The following UBR4 variants were observed in gnomAD, a reference collection of about 807,000 sequenced individuals.
UBR4 encodes the protein ubiquitin protein ligase E3 component n-recognin 4, also known as E3 ubiquitin-protein ligase UBR4.
In UBR4, 124 loss-of-function variants were observed where a neutral mutation model predicts 575.6. That is an observed-to-expected ratio of 0.22 (90% CI 0.19 to 0.25). The LOEUF is 0.25. Ranked by LOEUF, UBR4 falls within the 10% of genes least tolerant of loss-of-function variation. The pLI is 1.00. For missense variants in UBR4, 4,818 were observed against 6,478.8 expected, an observed-to-expected ratio of 0.74 and a Z score of 8.80; for synonymous variants, 2,455 against 2,473.7, an observed-to-expected ratio of 0.99 and a Z score of 0.22.
chr1:19,104,311 A>C (rs1382512588), intron 86 of UBR4, 54 bp from the exon 87 acceptor site: 1 of 1,589,394 alleles, frequency 6.3e-7, no homozygotes, highest in Non-Finnish European at 8.6e-7. Context: ...ACATAAGGAC[A>C]GTCTGTGTCT....
intron 103 of UBR4, chr1:19,080,547 A>T (rs2076385721): frequency 6.6e-6 from 1 of 152,252 alleles, no homozygotes; most frequent in Non-Finnish European, 1.5e-5. Context: ...GCAGAATCAC[A>T]AAAATCACAA....
chr1:19,153,947 C>A lies in UBR4; in HGVS notation c.6459-8G>T. The A allele has an allele frequency of 6.2e-7, 1 of 1,611,418 alleles. No individual in the cohort carries two copies. Among genetic ancestry groups the A allele is most frequent in the Non-Finnish European group, 8.5e-7 (1 of 1,179,028 alleles). ...TTACTGCCACCATTGGAACTGCAGA[C>A]AACAAAACTGGCCACAGTTAGAGTG... On this transcript the variant is annotated splice_region_variant and splice_polypyrimidine_tract_variant and intron_variant, in intron 44 of 105. Coordinates refer to ENST00000375254, the MANE Select transcript of UBR4 (RefSeq NM_020765.3). The surrounding 1 kb of genome is among the most constrained non-coding windows in gnomAD (Gnocchi z 4.1).
chr1:19,084,608 G>A lies in UBR4; in HGVS notation c.14904C>T (p.Phe4968=), dbSNP rs114177080. 132 of 1,614,176 alleles carry A rather than the reference G, an allele frequency of 8.2e-5. No individual in the cohort carries two copies. The highest frequency in any genetic ancestry group is 3.1e-4 in the African/African-American group (23 of 75,078). ...IHDIKLLFLR[F]AMEQSFSADT... is the part of the protein sequence containing the mutation. ...CTGCGCTGAACGACTGCTCCATGGC[G>A]AAGCGCAGGAAGAGCAGTTTGATGT... Residue 4968 remains phenylalanine (F), a synonymous_variant, in exon 102 of 106, where the codon TTC becomes TTT. Transcript: ENST00000375254.
chr1:19,184,272 G>T (rs1421559524), intron 15 of UBR4, 97 bp from the exon 16 acceptor site: 11 of 1,307,112 alleles, frequency 8.4e-6, no homozygotes, highest in Non-Finnish European at 1.2e-5. Context: ...ATGCTCATAG[G>T]TATCCTGCAA....
At chr1:19,121,812 T>C (rs569112502) in intron 67 of UBR4, 122 bp downstream of exon 67, 625 of 1,164,150 alleles carry the variant, frequency 5.4e-4, no homozygotes, top group Non-Finnish European at 7.2e-4. Context: ...GACAGAGTTC[T>C]GTCTAGTCTA....
At chr1:19,096,914 G>C (rs998489693) in intron 91 of UBR4, among the ~76,000 whole-genome samples, 2 of 152,040 alleles carry the variant, frequency 1.3e-5, no homozygotes, top group African/African-American at 4.8e-5. Flanking sequence ...CAATGGAGTG[G>C]GGGGAGAGGG....
chr1:19,104,835 G>T, intron 85 of UBR4, 169 bp from the exon 86 acceptor site: 1 of 1,072,992 alleles, frequency 9.3e-7, no homozygotes, highest in South Asian at 1.6e-5. Context: ...CGCTGGTAAG[G>T]GATTGCTTAA....
At chr1:19,173,722 T>A in intron 22 of UBR4, 101 bp from the exon 23 acceptor site, 2 of 1,118,928 alleles carry the variant, frequency 1.8e-6, no homozygotes, top group Non-Finnish European at 2.5e-6. Context: ...ACCAGAACTG[T>A]ATAGAGTCCT....
At chr1:19,197,082 T>G in intron 8 of UBR4, 59 bp downstream of exon 8, 2 of 1,580,460 alleles carry the variant, frequency 1.3e-6, no homozygotes, top group East Asian at 4.5e-5. Flanking sequence ...TTTCATGGTT[T>G]CCTGAAAGTA....
intron 101 of UBR4, among the ~76,000 whole-genome samples, chr1:19,085,737 C>T (rs72651009): frequency 0.069 from 10,440 of 152,116 alleles, 518 homozygotes; most frequent in Non-Finnish European, 0.1. Flanking sequence ...TCTAAGGAGC[C>T]CAACATCCCC....
chr1:19,128,908 G>A (rs1557700132), intron 61 of UBR4, 70 bp downstream of exon 61: 5 of 1,406,382 alleles, frequency 3.6e-6, no homozygotes, highest in African/African-American at 2.8e-5. Flanking sequence ...TCCTCTGGAA[G>A]AGAGATGTGG....
intron 11 of UBR4, among the ~76,000 whole-genome samples, chr1:19,188,167 A>T (rs2091735385): frequency 6.6e-6 from 1 of 152,196 alleles, no homozygotes; most frequent in African/African-American, 2.4e-5. Context: ...CTGACTTTTA[A>T]ATGTAGATTG....
chr1:19,165,131 G>C (rs2088110493), intron 31 of UBR4, 118 bp downstream of exon 31: 1 of 1,482,872 alleles, frequency 6.7e-7, no homozygotes, highest in Non-Finnish European at 9.3e-7. Flanking sequence ...CTTTCTCTGA[G>C]GGATTCTCTC....
At chr1:19,123,405 C>G (rs139601862) in intron 65 of UBR4, among the ~76,000 whole-genome samples, 2 of 147,416 alleles carry the variant, frequency 1.4e-5, no homozygotes, top group Non-Finnish European at 3.0e-5. Context: ...GAGCAGAGAT[C>G]GTGTCACTGC....
intron 97 of UBR4, among the ~76,000 whole-genome samples, chr1:19,090,964 C>G (rs763832679): frequency 6.6e-5 from 10 of 151,966 alleles, no homozygotes; most frequent in Non-Finnish European, 1.3e-4. Flanking sequence ...GGTGTGGTGG[C>G]AGGTGCCTTT....
intron 104 of UBR4, chr1:19,077,658 G>A (rs939261726): frequency 3.1e-5 from 26 of 850,058 alleles, no homozygotes; most frequent in South Asian, 2.7e-4. Context: ...ACTTGAACCC[G>A]GGATGCAGAG....
intron 47 of UBR4, 44 bp from the exon 48 acceptor site, chr1:19,151,903 T>G (rs1557806345): frequency 6.6e-7 from 1 of 1,505,076 alleles, no homozygotes; most frequent in Non-Finnish European, 8.9e-7. Flanking sequence ...CAGAAGTTCT[T>G]AAGTTTTAAC....
Position 19,185,021 on chromosome 1 carries a change from T to G in UBR4, c.1938+78A>C, listed in dbSNP as rs115196222. 3 of 1,560,826 alleles carry G rather than the reference T, an allele frequency of 1.9e-6. No individual in the cohort carries two copies. In the African/African-American group the frequency reaches 4.1e-5, roughly 21 times the overall value. ...TACAGTTATCCAAGCCACAAAATGT[T>G]TGCATTCAAATTATCTGCTTCTCAT... On this transcript the variant is annotated intron_variant, in intron 15 of 105. Coordinates refer to ENST00000375254, the MANE Select transcript of UBR4 (RefSeq NM_020765.3).
Position 19,140,907 on chromosome 1 carries a change from G to A in UBR4, c.8489-15C>T. 3 of 1,596,620 alleles carry A rather than the reference G, an allele frequency of 1.9e-6. No individual in the cohort carries two copies. The highest frequency in any genetic ancestry group is 2.6e-6 in the Non-Finnish European group (3 of 1,173,530). On this transcript the variant is annotated splice_polypyrimidine_tract_variant and intron_variant, in intron 57 of 105. Coordinates refer to ENST00000375254, the MANE Select transcript of UBR4 (RefSeq NM_020765.3). ...GCTGCTGCTGCCTGGGAAACAAGTG[G>A]AGAGTGAGCACAACATCCCCTCCAG...
Sources: allele counts gnomAD v4.1 joint callset (sites outside exome capture counted in the v4.1 genomes callset), GRCh38; gene constraint gnomAD v4.1.1; non-coding constraint Gnocchi (gnomAD v3.1); transcripts MANE v1.5; gene names NCBI Gene and HGNC (gene_info 2026-07-23, HGNC 2026-07-21).